UTRN: variants seen among roughly 807,000 people sequenced by gnomAD.
UTRN encodes utrophin.
Under a neutral mutation model 463.9 loss-of-function variants are expected in UTRN, and 283 were observed. The ratio of observed to expected loss-of-function variants is 0.61; its 90% CI spans 0.55 to 0.67. UTRN has a LOEUF of 0.67. UTRN is among the 30% of genes least tolerant of loss of function. UTRN has a pLI of 0.00. For synonymous variants in UTRN, 1,442 were observed against 1,431.5 expected (o/e 1.01, Z -0.17); for missense variants, 3,922 against 4,084.3 (o/e 0.96, Z 1.08).
chr6:144,662,825 T>A (rs765598065), intron 51 of UTRN, among the ~76,000 whole-genome samples: 1 of 152,342 alleles, frequency 6.6e-6, no homozygotes, highest in African/African-American at 2.4e-5. Context: ...ACAGCAGTTT[T>A]TTTGTGAAGG....
Position 144,368,826 on chromosome 6 carries a change from G to A in UTRN, c.80-34297G>A, listed in dbSNP as rs181213371. Among the ~76,000 whole-genome samples the A allele has an allele frequency of 3.7e-3, 557 of 152,260 alleles. 5 individuals carry two copies. Among genetic ancestry groups the A allele is most frequent in the African/African-American group, 0.011 (470 of 41,554 alleles). On this transcript the variant is annotated intron_variant, in intron 2 of 74. Transcript: ENST00000367545. ...ATAAGGTTTTTTAAAGTTAGGGTCC[G>A]TTTAGTGGCAGTTTGGAAATTACAG...
At chr6:144,482,130 G>GA (rs985458819) in intron 26 of UTRN, 79 bp from the exon 27 acceptor site, 1,342 of 1,265,450 alleles carry the variant, frequency 1.1e-3, no homozygotes, top group South Asian at 1.8e-3. Context: ...TTTAATTCTT[G>GA]AAAAAAAAAG....
intron 64 of UTRN, among the ~76,000 whole-genome samples, chr6:144,798,681 A>G (rs1777443903): frequency 6.6e-6 from 1 of 152,074 alleles, no homozygotes; most frequent in Non-Finnish European, 1.5e-5. Flanking sequence ...TTTAATTTGG[A>G]AATCTATTAT....
At chr6:144,435,546 G>C (rs1321960610) in intron 9 of UTRN, among the ~76,000 whole-genome samples, 1 of 152,176 alleles carries the variant, frequency 6.6e-6, no homozygotes, top group African/African-American at 2.4e-5. Context: ...GGCCTAACAC[G>C]TTCCAGCTCC....
chr6:144,602,448 A>G (rs1804358831), intron 51 of UTRN, among the ~76,000 whole-genome samples: 1 of 152,078 alleles, frequency 6.6e-6, no homozygotes, highest in Admixed American at 6.6e-5. Flanking sequence ...CTCCTACAGC[A>G]TATTTCTCAT....
chr6:144,318,589 G>A (rs1224291063), intron 2 of UTRN, among the ~76,000 whole-genome samples: 1 of 152,148 alleles, frequency 6.6e-6, no homozygotes, highest in Admixed American at 6.5e-5. Flanking sequence ...TCAGCCTCCC[G>A]AGTAGCTGGG....
At chr6:144,589,263 G>A (rs1483865125) in intron 51 of UTRN, among the ~76,000 whole-genome samples, 2 of 151,996 alleles carry the variant, frequency 1.3e-5, no homozygotes, top group Non-Finnish European at 2.9e-5. Flanking sequence ...TGTTATGATG[G>A]GAAAATATCT....
rs201273910 is a variant in UTRN, at chr6:144,482,244, A to C, written c.3543A>C (p.Arg1181Ser). 2 of 1,584,658 alleles carry C rather than the reference A, an allele frequency of 1.3e-6. No individual in the cohort carries two copies. Among genetic ancestry groups the C allele is most frequent in the East Asian group, 4.6e-5 (2 of 43,708 alleles). The change falls in exon 27 of 75, where the codon AGA (arginine) becomes AGC (serine). Residue 1181 changes from arginine to serine, a missense_variant. This residue lies in a region of UTRN where 2,349 missense variants were observed against 2,303.8 expected (regional missense o/e 1.02). Transcript: ENST00000367545. ...AGGATGTGTTGCAGAAGGAGGTGAG[A>C]GTGAAGATTCTCAAGGACAACATCA... ...AKEDVLQKEV[R>S]VKILKDNIKL...
rs79674759 is a variant in UTRN, at chr6:144,514,246, A to G, written c.5073+209A>G. Among the ~76,000 whole-genome samples the G allele has an allele frequency of 2.5e-3, 379 of 152,326 alleles. 12 individuals carry two copies. The East Asian group carries it at 0.058, about 24-fold the overall frequency. ...AAGACTTGTAAGAGATTTCAGCACA[A>G]TCAACCGGAGTAAGACCTATTCACA... On this transcript the variant is annotated intron_variant, in intron 36 of 74. Coordinates refer to ENST00000367545, the MANE Select transcript of UTRN (RefSeq NM_007124.3).
chr6:144,634,382 A>T (rs1776875144), intron 51 of UTRN, among the ~76,000 whole-genome samples: 1 of 152,292 alleles, frequency 6.6e-6, no homozygotes, highest in East Asian at 1.9e-4. Flanking sequence ...TAGCGTTGCC[A>T]TGTGGGTGAC....
intron 69 of UTRN, among the ~76,000 whole-genome samples, chr6:144,835,409 A>T (rs1266156834): frequency 6.6e-6 from 1 of 152,216 alleles, no homozygotes; most frequent in Non-Finnish European, 1.5e-5. Flanking sequence ...GTGAAGTCAG[A>T]TGATTCTTAA....
chr6:144,401,656 G>A (rs1207487260), intron 2 of UTRN, among the ~76,000 whole-genome samples: 2 of 151,450 alleles, frequency 1.3e-5, no homozygotes, highest in Non-Finnish European at 2.9e-5. Context: ...TTACCTTTAT[G>A]GATTTGTAAA....
At chr6:144,623,063 A>G (rs560549274) in intron 51 of UTRN, among the ~76,000 whole-genome samples, 25 of 152,206 alleles carry the variant, frequency 1.6e-4, no homozygotes, top group Non-Finnish European at 3.4e-4. Context: ...TCCTAGATAA[A>G]CTTATTTTCC....
At chr6:144,698,858 G>A (rs1008560505) in intron 52 of UTRN, among the ~76,000 whole-genome samples, 3 of 152,118 alleles carry the variant, frequency 2.0e-5, no homozygotes, top group Non-Finnish European at 2.9e-5. Flanking sequence ...AGAATCTGAA[G>A]GTGCATTTCT....
At chr6:144,590,724 A>G (rs927230482) in intron 51 of UTRN, among the ~76,000 whole-genome samples, 14 of 152,256 alleles carry the variant, frequency 9.2e-5, no homozygotes, top group African/African-American at 3.4e-4. Flanking sequence ...CTAAATTCAA[A>G]CAGTTCTGGC....
intron 51 of UTRN, among the ~76,000 whole-genome samples, chr6:144,672,980 T>C (rs908698621): frequency 2.0e-5 from 3 of 152,172 alleles, no homozygotes; most frequent in Admixed American, 6.5e-5. Flanking sequence ...TGTTTACTTT[T>C]GAAGGTTCCT....
chr6:144,444,626 A>T (rs925219740), intron 14 of UTRN, among the ~76,000 whole-genome samples: 3 of 152,114 alleles, frequency 2.0e-5, no homozygotes, highest in Admixed American at 2.0e-4. Flanking sequence ...TACTTAGAAG[A>T]TATGCTATTT....
At chr6:144,824,450 T>TGTATATATATTGTATGTATATACAC (rs767872623) in intron 66 of UTRN, among the ~76,000 whole-genome samples, 1 of 80,294 alleles carries the variant, frequency 1.2e-5, no homozygotes, top group African/African-American at 5.2e-5. Context: ...TATATACACA[T>TGTATATATATTGTATGTATATACAC]ATACAATAAA....
chr6:144,548,864 T>C lies in UTRN; in HGVS notation c.6810+10T>C. The C allele has an allele frequency of 6.2e-7, 1 of 1,613,192 alleles. No individual in the cohort carries two copies. The highest frequency in any genetic ancestry group is 8.5e-7 in the Non-Finnish European group (1 of 1,179,586). On this transcript the variant is annotated intron_variant, in intron 47 of 74. Coordinates refer to ENST00000367545, the MANE Select transcript of UTRN (RefSeq NM_007124.3). The stretch of plus-strand genomic sequence containing the variant: ...CGTTTCCCGAATGAAAGTAGGTGCA[T>C]AGTGTAAAAGCTTGTCATGGAAACG...
Sources: gnomAD v4.1 joint callset for allele counts (sites outside exome capture counted in the v4.1 genomes callset) on GRCh38, gnomAD v4.1.1 for gene constraint, gnomAD v4.1.1 regional missense constraint, MANE v1.5 for transcripts, NCBI Gene and HGNC (gene_info 2026-07-23, HGNC 2026-07-21) for gene names.